Variants in LRRC4C observed in about 807,000 individuals in gnomAD.
LRRC4C encodes the protein leucine rich repeat containing 4C, also known as leucine-rich repeat-containing protein 4C.
LRRC4C carries 5 observed loss-of-function variants against 33.6 expected under a neutral mutation model. The observed-to-expected ratio is 0.15, with a 90% CI of 0.08 to 0.31. The LOEUF (loss-of-function observed/expected upper bound fraction) is 0.31. LRRC4C is among the 10% of genes least tolerant of loss of function. LRRC4C has a pLI of 1.00. For missense variants in LRRC4C, 560 were observed against 796.7 expected (o/e 0.70, Z 3.58); for synonymous variants, 329 against 302.0 (o/e 1.09, Z -0.93).
At chr11:40,730,398 C>T (rs1947503956) in intron 2 of LRRC4C, among the ~76,000 whole-genome samples, 1 of 152,102 alleles carries the variant, frequency 6.6e-6, no homozygotes, top group Non-Finnish European at 1.5e-5. Context: ...GCAAATGGAT[C>T]TTAATATATT....
intron 1 of LRRC4C, among the ~76,000 whole-genome samples, chr11:41,082,705 A>G (rs968557020): frequency 1.6e-4 from 25 of 152,136 alleles, no homozygotes; most frequent in African/African-American, 5.3e-4. Flanking sequence ...AACTGCTTCT[A>G]TACACTCCTT....
chr11:41,003,530 A>C (rs1048512855), intron 1 of LRRC4C, among the ~76,000 whole-genome samples: 3 of 148,088 alleles, frequency 2.0e-5, no homozygotes, highest in Non-Finnish European at 4.5e-5. Flanking sequence ...GATTATGTCA[A>C]CCGACAATTA....
intron 5 of LRRC4C, among the ~76,000 whole-genome samples, chr11:40,180,286 G>A (rs1860877626): frequency 6.6e-6 from 1 of 152,214 alleles, no homozygotes; most frequent in Admixed American, 6.5e-5. Context: ...CTGCACATAT[G>A]TGAAAAAGGA....
intron 3 of LRRC4C, among the ~76,000 whole-genome samples, chr11:40,541,809 T>C (rs942614326): frequency 6.6e-6 from 1 of 152,118 alleles, no homozygotes; most frequent in Non-Finnish European, 1.5e-5. Context: ...TAGTAAATGT[T>C]GGTTAAATAT....
chr11:40,488,791 A>C (rs1435032671), intron 3 of LRRC4C, among the ~76,000 whole-genome samples: 2 of 152,066 alleles, frequency 1.3e-5, no homozygotes, highest in African/African-American at 2.4e-5. Context: ...AGAGCTTTCT[A>C]TCTGCTTCCA....
At chr11:40,680,477 G>A (rs990370061) in intron 2 of LRRC4C, among the ~76,000 whole-genome samples, 2 of 152,308 alleles carry the variant, frequency 1.3e-5, no homozygotes, top group Non-Finnish European at 2.9e-5. Context: ...GCTCCCATAA[G>A]TCCCACCTGT....
intron 3 of LRRC4C, among the ~76,000 whole-genome samples, chr11:40,541,424 C>A (rs1956702807): frequency 6.6e-6 from 1 of 151,992 alleles, no homozygotes; most frequent in African/African-American, 2.4e-5. Flanking sequence ...ATATGTGGTT[C>A]TTTTCATAAA....
chr11:40,150,732 G>A (rs537794889), intron 5 of LRRC4C, among the ~76,000 whole-genome samples: 28 of 152,204 alleles, frequency 1.8e-4, no homozygotes, highest in East Asian at 3.9e-4. Flanking sequence ...ATGAGCCACC[G>A]TGCCCAGCCT....
At chr11:41,162,065 T>C (rs1289272535) in intron 1 of LRRC4C, among the ~76,000 whole-genome samples, 29 of 152,154 alleles carry the variant, frequency 1.9e-4, no homozygotes, top group Non-Finnish European at 1.5e-5. Context: ...CTGCACCTCA[T>C]GAGGTAAGAG....
At chr11:40,625,722 T>C (rs539268145) in intron 3 of LRRC4C, among the ~76,000 whole-genome samples, 58 of 152,328 alleles carry the variant, frequency 3.8e-4, no homozygotes, top group African/African-American at 1.3e-3. Flanking sequence ...TCCTTGTCTG[T>C]TATATTCCAG....
In LRRC4C at chr11:40,218,462, C is replaced by G. The variant is rs112186338; in HGVS notation, c.-96+23057G>C. ...ATTTAAAATTCTAGATTCAGTGAAT[C>G]TGAAATAAGAATATGTTTCTGTAAA... On this transcript the variant is annotated intron_variant, in intron 5 of 6. Transcript: ENST00000528697. Among the ~76,000 whole-genome samples the G allele has an allele frequency of 5.6e-3, 859 of 152,184 alleles. 8 individuals carry two copies. Among genetic ancestry groups the G allele is most frequent in the African/African-American group, 0.02 (833 of 41,526 alleles).
intron 1 of LRRC4C, among the ~76,000 whole-genome samples, chr11:41,297,013 T>C (rs1950162968): frequency 6.6e-6 from 1 of 152,220 alleles, no homozygotes; most frequent in Non-Finnish European, 1.5e-5. Flanking sequence ...ATGTTTGCTA[T>C]GGTTTTCCCA....
chr11:41,028,680 C>T (rs1336509633), intron 1 of LRRC4C, among the ~76,000 whole-genome samples: 1 of 151,506 alleles, frequency 6.6e-6, no homozygotes, highest in East Asian at 1.9e-4. Context: ...GCCTCAATTC[C>T]TCCAGTGTCT....
At chr11:41,133,514 C>T (rs1943116362) in intron 1 of LRRC4C, among the ~76,000 whole-genome samples, 1 of 148,244 alleles carries the variant, frequency 6.7e-6, no homozygotes, top group Non-Finnish European at 1.5e-5. Context: ...AATAGATACC[C>T]TCTTGGCCAA....
At chr11:40,294,461 G>A (rs1271186965) in intron 4 of LRRC4C, among the ~76,000 whole-genome samples, 1 of 152,026 alleles carries the variant, frequency 6.6e-6, no homozygotes, top group Non-Finnish European at 1.5e-5. Flanking sequence ...AACACACAAA[G>A]CTGTTGCTTT....
chr11:41,324,447 A>G (rs1394108521), intron 1 of LRRC4C, among the ~76,000 whole-genome samples: 3 of 152,174 alleles, frequency 2.0e-5, no homozygotes, highest in East Asian at 3.9e-4. Flanking sequence ...ATAAATAAAT[A>G]AAAGTACTAT....
At chr11:40,261,787 T>G (rs982259436) in intron 4 of LRRC4C, among the ~76,000 whole-genome samples, 6 of 152,184 alleles carry the variant, frequency 3.9e-5, no homozygotes, top group African/African-American at 1.4e-4. Flanking sequence ...GCTAGCCATA[T>G]GCAGAAAACT....
intron 2 of LRRC4C, among the ~76,000 whole-genome samples, chr11:40,676,096 T>C (rs953016172): frequency 6.6e-6 from 1 of 152,220 alleles, no homozygotes; most frequent in African/African-American, 2.4e-5. Flanking sequence ...ATATATCTTA[T>C]AGAGACCTTT....
chr11:41,338,792 G>A (rs182712319), intron 1 of LRRC4C, among the ~76,000 whole-genome samples: 59 of 152,186 alleles, frequency 3.9e-4, no homozygotes, highest in Non-Finnish European at 6.8e-4. Flanking sequence ...CAAGCAATTT[G>A]TTTGTAGTAA....
Sources: allele counts gnomAD v4.1 joint callset (sites outside exome capture counted in the v4.1 genomes callset), GRCh38; gene constraint gnomAD v4.1.1; transcripts MANE v1.5; gene names NCBI Gene and HGNC (gene_info 2026-07-23, HGNC 2026-07-21).